The following AGBL4 variants were observed in gnomAD, a reference collection of about 807,000 sequenced individuals.
The protein encoded by AGBL4 is cytosolic carboxypeptidase 6.
AGBL4 carries 58 observed loss-of-function variants against 66.4 expected under a neutral mutation model. The observed-to-expected ratio is 0.87, with a 90% CI of 0.71 to 1.09. The LOEUF is 1.09. Among genes scored for constraint, AGBL4 ranks in the 50% least tolerant of loss-of-function variants. The pLI is 0.00. For synonymous variants in AGBL4, 234 were observed against 222.9 expected (o/e 1.05, Z -0.44); for missense variants, 579 against 631.0 (o/e 0.92, Z 0.88).
chr1:49,886,359 A>G (rs918153545), intron 1 of AGBL4, among the ~76,000 whole-genome samples: 1 of 152,108 alleles, frequency 6.6e-6, no homozygotes, highest in Admixed American at 6.6e-5. Flanking sequence ...ATGAGTTCCA[A>G]GAAGATTATG....
chr1:49,379,693 G>A (rs375721412), intron 3 of AGBL4, among the ~76,000 whole-genome samples: 13 of 152,198 alleles, frequency 8.5e-5, no homozygotes, highest in African/African-American at 2.9e-4. Context: ...ATTGATTTGT[G>A]TATATTGAAC....
intron 6 of AGBL4, among the ~76,000 whole-genome samples, chr1:48,726,641 G>A (rs1647292810): frequency 6.6e-6 from 1 of 152,052 alleles, no homozygotes; most frequent in South Asian, 2.1e-4. Context: ...TTAACTGAAA[G>A]ACAATTAAAA....
intron 6 of AGBL4, among the ~76,000 whole-genome samples, chr1:48,838,596 G>A (rs1272410140): frequency 1.3e-5 from 2 of 152,022 alleles, no homozygotes; most frequent in African/African-American, 4.8e-5. Flanking sequence ...AGAAGAAAAC[G>A]TTGGGAAAAT....
At chr1:49,837,202 T>C (rs1645874060) in intron 2 of AGBL4, among the ~76,000 whole-genome samples, 1 of 152,196 alleles carries the variant, frequency 6.6e-6, no homozygotes, top group Admixed American at 6.5e-5. Flanking sequence ...ATGGGAGTTT[T>C]ATCTATAAGC....
chr1:49,557,645 C>T (rs1386866664), intron 3 of AGBL4, among the ~76,000 whole-genome samples: 1 of 152,058 alleles, frequency 6.6e-6, no homozygotes, highest in Admixed American at 6.6e-5. Flanking sequence ...TCCTGCAAAC[C>T]CTACCACCAA....
intron 6 of AGBL4, among the ~76,000 whole-genome samples, chr1:48,772,642 G>A (rs1644894007): frequency 6.6e-6 from 1 of 152,162 alleles, no homozygotes; most frequent in African/African-American, 2.4e-5. Flanking sequence ...GTAGGCAATA[G>A]GGAGCTACAG....
At chr1:49,014,210 A>C (rs1229799272) in intron 5 of AGBL4, among the ~76,000 whole-genome samples, 1 of 152,210 alleles carries the variant, frequency 6.6e-6, no homozygotes, top group African/African-American at 2.4e-5. Context: ...AGGTTACTCC[A>C]TTTCTGAAAG....
At chr1:49,742,226 C>A (rs1375400052) in intron 2 of AGBL4, among the ~76,000 whole-genome samples, 52 of 149,900 alleles carry the variant, frequency 3.5e-4, no homozygotes, top group Non-Finnish European at 4.6e-4. Context: ...AATCAATGTA[C>A]AAAAATCACA....
In AGBL4 at chr1:49,760,736, G is replaced by T. The variant is rs148331071; in HGVS notation, c.158-63299C>A. On this transcript the variant is annotated intron_variant, in intron 2 of 13. Coordinates refer to ENST00000371839, the MANE Select transcript of AGBL4 (RefSeq NM_032785.4). ...CACATACACAAGTATGTTTATTGCA[G>T]CACTATTTACAATAGAAAAGACATA... Among the ~76,000 whole-genome samples, 59 of 152,208 alleles carry T rather than the reference G, an allele frequency of 3.9e-4. 1 individual carries two copies. The East Asian group carries it at 0.011, about 28-fold the overall frequency.
chr1:49,956,627 T>C (rs911571108), intron 1 of AGBL4, among the ~76,000 whole-genome samples: 2 of 151,938 alleles, frequency 1.3e-5, no homozygotes, highest in Non-Finnish European at 2.9e-5. Context: ...AAACAATCTT[T>C]ATCAAGCTTG....
chr1:49,287,719 T>C (rs1279887384), intron 3 of AGBL4, among the ~76,000 whole-genome samples: 1 of 150,652 alleles, frequency 6.6e-6, no homozygotes, highest in Non-Finnish European at 1.5e-5. Flanking sequence ...AAACAACAGG[T>C]GCTGGAGAGG....
intron 4 of AGBL4, among the ~76,000 whole-genome samples, chr1:49,074,914 T>G (rs760020380): frequency 4.6e-5 from 7 of 152,168 alleles, no homozygotes; most frequent in Non-Finnish European, 8.8e-5. Context: ...TAGCGAGAGA[T>G]TCACTCTTTT....
chr1:48,538,093 C>A (rs1453456260), intron 12 of AGBL4, among the ~76,000 whole-genome samples: 4 of 152,154 alleles, frequency 2.6e-5, no homozygotes, highest in Non-Finnish European at 4.4e-5. Flanking sequence ...TGGTGGGGCA[C>A]AAAGACCCTA....
At chr1:49,487,836 GA>G (rs2148737329) in intron 3 of AGBL4, among the ~76,000 whole-genome samples, 1 of 151,978 alleles carries the variant, frequency 6.6e-6, no homozygotes, top group Admixed American at 6.6e-5. Context: ...GACAGGGTTT[GA>G]ACCCTGATAT....
intron 5 of AGBL4, among the ~76,000 whole-genome samples, chr1:49,012,467 A>G (rs551286461): frequency 6.6e-6 from 1 of 152,226 alleles, no homozygotes; most frequent in African/African-American, 2.4e-5. Context: ...CATACTTAAC[A>G]TAAGAGCATG....
intron 3 of AGBL4, among the ~76,000 whole-genome samples, chr1:49,533,580 A>ATGCCAAGGTT (rs1471040796): frequency 6.6e-6 from 1 of 152,124 alleles, no homozygotes; most frequent in African/African-American, 2.4e-5. Flanking sequence ...CTGGATTATT[A>ATGCCAAGGTT]TGCCAAGGTT....
intron 3 of AGBL4, among the ~76,000 whole-genome samples, chr1:49,351,927 G>A (rs1240269334): frequency 1.3e-5 from 2 of 152,176 alleles, no homozygotes; most frequent in Non-Finnish European, 2.9e-5. Flanking sequence ...CTAAGCCATC[G>A]TGAGTCATGC....
rs192637345 is a variant in AGBL4 at position 49,521,029 on chromosome 1, G to A, written c.282+176284C>T. 2.4e-3 allele frequency among the ~76,000 whole-genome samples: 368 copies of A among 151,908 alleles called. 5 individuals carry two copies. Among genetic ancestry groups the A allele is most frequent in the Non-Finnish European group, 2.8e-3 (187 of 67,944 alleles). ...TCACCATGTTGGCCAGGCTGGTCTT[G>A]TACTCCCGACTTCATATGATCCACC... On this transcript the variant is annotated intron_variant, in intron 3 of 13. Transcript: ENST00000371839.
chr1:48,814,498 T>C (rs1380408451), intron 6 of AGBL4, among the ~76,000 whole-genome samples: 3 of 152,128 alleles, frequency 2.0e-5, no homozygotes, highest in Non-Finnish European at 4.4e-5. Context: ...TATATAACTA[T>C]TATTGTTAAC....
Sources: allele counts gnomAD v4.1 joint callset (sites outside exome capture counted in the v4.1 genomes callset), GRCh38; gene constraint gnomAD v4.1.1; transcripts MANE v1.5; gene names NCBI Gene and HGNC (gene_info 2026-07-23, HGNC 2026-07-21).